AGL: variants seen among roughly 807,000 people sequenced by gnomAD.
AGL encodes amylo-alpha-1,6-glucosidase and 4-alpha-glucanotransferase.
Under a neutral mutation model 199.3 loss-of-function variants are expected in AGL, and 128 were observed. That is an observed-to-expected ratio of 0.64 (90% CI 0.56 to 0.74). The LOEUF is 0.74. Ranked by LOEUF, AGL falls within the 30% of genes least tolerant of loss-of-function variation. The probability of loss-of-function intolerance (pLI) is 0.00; values close to 1 mark genes in which losing one functional copy is unlikely to be tolerated. For missense variants in AGL, 1,809 were observed against 1,820.8 expected (o/e 0.99, Z 0.12); for synonymous variants, 584 against 594.7 (o/e 0.98, Z 0.26).
In AGL at chr1:99,881,212, G is replaced by T. The variant is rs757990957; in HGVS notation, c.2001+35G>T. 3.7e-6 allele frequency: 6 copies of T among 1,611,966 alleles called. No individual in the cohort carries two copies. In the South Asian group the frequency reaches 6.6e-5, roughly 18 times the overall value. The stretch of plus-strand genomic sequence containing the variant: ...TATGTTGTTTCTTAAAACCTACATG[G>T]CCAACAACTTTGGGCATTTTTATTA... On this transcript the variant is annotated intron_variant, in intron 15 of 33. Transcript: ENST00000361915.
intron 33 of AGL, among the ~76,000 whole-genome samples, chr1:99,921,234 T>C (rs1248488964): frequency 1.3e-5 from 2 of 152,136 alleles, no homozygotes; most frequent in African/African-American, 4.8e-5. Flanking sequence ...ATAAACAAAA[T>C]TATGCCTGAG....
chr1:99,889,599 A>T (rs2100783420), intron 21 of AGL, among the ~76,000 whole-genome samples: 1 of 152,224 alleles, frequency 6.6e-6, no homozygotes, highest in East Asian at 1.9e-4. Flanking sequence ...AAATTTATTT[A>T]TTTAATTAAT....
chr1:99,918,571 A>T (rs1348499040), intron 33 of AGL, among the ~76,000 whole-genome samples: 1 of 151,970 alleles, frequency 6.6e-6, no homozygotes, highest in African/African-American at 2.4e-5. Context: ...CAGTCCCCCA[A>T]CCTCGGCCTC....
At chr1:99,908,112 A>G (rs1654458324) in intron 27 of AGL, among the ~76,000 whole-genome samples, 1 of 152,126 alleles carries the variant, frequency 6.6e-6, no homozygotes, top group Non-Finnish European at 1.5e-5. Context: ...AGCTTTTGCC[A>G]TACATTTTTG....
At position 99,881,335 on chromosome 1, in the gene AGL, C is replaced by T; in HGVS notation, c.2045C>T (p.Pro682Leu). 1 of 1,614,078 alleles carries T rather than the reference C, an allele frequency of 6.2e-7. No individual in the cohort carries two copies. The highest frequency in any genetic ancestry group is 8.5e-7 in the Non-Finnish European group (1 of 1,179,994). The change falls in exon 16 of 34, where the codon CCT (proline) becomes CTT (leucine). Residue 682 changes from proline (P) to leucine (L), a missense_variant. Coordinates refer to ENST00000361915, the MANE Select transcript of AGL (RefSeq NM_000642.3). ...SEERFYTKWN[P>L]EALPSNTGEV... ...GAACGGTTTTACACTAAGTGGAATC[C>T]TGAAGCATTGCCTTCAAACACAGGT...
chr1:99,870,975 A>C (rs927813580), intron 7 of AGL, 106 bp downstream of exon 7: 77 of 732,340 alleles, frequency 1.1e-4, no homozygotes, highest in Non-Finnish European at 1.6e-4. Context: ...TCATTGTATT[A>C]TATTTGTGTT....
Position 99,871,567 on chromosome 1 carries a change from T to C in AGL, c.958+698T>C, listed in dbSNP as rs566406160. ...TTTGGGGAAGATCTTAAAATACTTTTTTTCTCTTGCAGAAAACAGAACTAG... is the reference window on the plus strand; with the variant it reads ...TTTGGGGAAGATCTTAAAATACTTTCTTTCTCTTGCAGAAAACAGAACTAG... On this transcript the variant is annotated intron_variant, in intron 7 of 33. Coordinates refer to ENST00000361915, the MANE Select transcript of AGL (RefSeq NM_000642.3). Among the ~76,000 whole-genome samples, 102 of 152,264 alleles carry C rather than the reference T, an allele frequency of 6.7e-4. 1 individual carries two copies. The highest frequency in any genetic ancestry group is 7.2e-4 in the Non-Finnish European group (49 of 68,022).
At chr1:99,901,729 T>G (rs1653853568) in intron 26 of AGL, among the ~76,000 whole-genome samples, 1 of 148,646 alleles carries the variant, frequency 6.7e-6, no homozygotes, top group South Asian at 2.2e-4. Context: ...ACTTCTGATC[T>G]GCCTTTATGT....
At position 99,876,568 on chromosome 1, in the gene AGL, ATG is replaced by A. The variant is rs1651553110; in HGVS notation, c.1395_1396del (p.Asp465GlufsTer8). The stretch of plus-strand genomic sequence containing the variant: ...GCACACAATGGATGGGTAATGGGAG[ATG>A]ATCCTCTTCGAAACTTTGCTGAACC... On this transcript the variant is annotated frameshift_variant, in exon 11 of 34. Transcript: ENST00000361915. LOFTEE classifies it high-confidence loss of function. The A allele has an allele frequency of 6.2e-7, 1 of 1,613,936 alleles. No individual in the cohort carries two copies. The highest frequency in any genetic ancestry group is 1.3e-5 in the African/African-American group (1 of 74,922).
Position 99,861,645 on chromosome 1 carries a change from T to C in AGL, c.225T>C (p.Asp75=), listed in dbSNP as rs1650046474. The change falls in exon 3 of 34, where the codon GAT becomes GAC. Residue 75 remains aspartate (D), a synonymous_variant. Coordinates refer to ENST00000361915, the MANE Select transcript of AGL (RefSeq NM_000642.3). ...GGGAAAATCCAACAGAAAGAGAAGATGATTCTGATAAATACTGTAAACTTA... is the reference window on the plus strand; with the variant it reads ...GGGAAAATCCAACAGAAAGAGAAGACGATTCTGATAAATACTGTAAACTTA... ...LDWENPTERE[D]DSDKYCKLNL... is the part of the protein sequence containing the mutation. The C allele has an allele frequency of 6.2e-7, 1 of 1,613,400 alleles. No individual in the cohort carries two copies.
chr1:99,858,389 G>T (rs1466859636), intron 2 of AGL, among the ~76,000 whole-genome samples: 1 of 152,142 alleles, frequency 6.6e-6, no homozygotes, highest in Non-Finnish European at 1.5e-5. Flanking sequence ...GCAGAGTTTG[G>T]CACATATTTT....
chr1:99,913,293 A>G (rs1357394398), intron 29 of AGL, among the ~76,000 whole-genome samples: 17 of 152,170 alleles, frequency 1.1e-4, no homozygotes, highest in Admixed American at 1.1e-3. Context: ...TAATCAATAT[A>G]AAATTATTCA....
At position 99,891,201 on chromosome 1, in the gene AGL, C is replaced by T; in HGVS notation, c.2813-19C>T. On this transcript the variant is annotated intron_variant, in intron 21 of 33. Coordinates refer to ENST00000361915, the MANE Select transcript of AGL (RefSeq NM_000642.3). ...TGATGCTACCAATAATACAGCATGA[C>T]ATGTCTCTGAATTTTCAGGTTTAAT... 2 of 1,613,164 alleles carry T rather than the reference C, an allele frequency of 1.2e-6. No individual in the cohort carries two copies. The highest frequency in any genetic ancestry group is 1.7e-6 in the Non-Finnish European group (2 of 1,179,410).
intron 33 of AGL, among the ~76,000 whole-genome samples, chr1:99,917,984 T>C (rs1655255852): frequency 6.6e-6 from 1 of 152,198 alleles, no homozygotes; most frequent in Non-Finnish European, 1.5e-5. Flanking sequence ...CCATTTTCAG[T>C]GCTCTTCATA....
At chr1:99,886,923 T>C (rs914738761) in intron 20 of AGL, among the ~76,000 whole-genome samples, 4 of 152,234 alleles carry the variant, frequency 2.6e-5, no homozygotes, top group Non-Finnish European at 4.4e-5. Context: ...CCTGCTCAGA[T>C]TATTTTGGAG....
Position 99,915,383 on chromosome 1 carries a change from CA to C in AGL, c.4162-5del. ...AATTTGTATATTTGTTTTTGGCATT[CA>C]CTAGGCCCCTGAGCTCTTTACTACA... On this transcript the variant is annotated splice_region_variant and splice_polypyrimidine_tract_variant and intron_variant, in intron 30 of 33. Coordinates refer to ENST00000361915, the MANE Select transcript of AGL (RefSeq NM_000642.3). The C allele has an allele frequency of 1.2e-6, 2 of 1,611,532 alleles. No homozygotes were observed. The highest frequency in any genetic ancestry group is 2.2e-5 in the South Asian group (2 of 91,018).
chr1:99,895,079 G>A (rs773746682), intron 24 of AGL, among the ~76,000 whole-genome samples: 1 of 151,842 alleles, frequency 6.6e-6, no homozygotes, highest in Non-Finnish European at 1.5e-5. Flanking sequence ...ACAGAGTTTC[G>A]CTCTTTTTGC....
At chr1:99,872,197 G>A (rs1490282483) in intron 7 of AGL, among the ~76,000 whole-genome samples, 1 of 151,956 alleles carries the variant, frequency 6.6e-6, no homozygotes, top group African/African-American at 2.4e-5. Flanking sequence ...TTCATTCAAT[G>A]CATATTCATT....
intron 12 of AGL, among the ~76,000 whole-genome samples, chr1:99,879,409 AC>A (rs1651825448): frequency 1.3e-5 from 2 of 152,020 alleles, no homozygotes; most frequent in African/African-American, 2.4e-5. Flanking sequence ...ACATGGAGAA[AC>A]CCCATCTCTA....
Sources: gnomAD v4.1 joint callset for allele counts (sites outside exome capture counted in the v4.1 genomes callset) on GRCh38, gnomAD v4.1.1 for gene constraint, MANE v1.5 for transcripts, NCBI Gene and HGNC (gene_info 2026-07-23, HGNC 2026-07-21) for gene names.